The following QTGAL variants were observed in gnomAD, a reference collection of about 807,000 sequenced individuals.
QTGAL encodes queuosine-tRNA galactosyltransferase.
At chr17:83,051,673 G>A in the QTGAL span, 13 of 1,374,530 alleles carry the variant, frequency 9.5e-6, no homozygotes, top group South Asian at 2.0e-4. Context: ...AGGACTGGAG[G>A]GCGGGGTGAG....
At chr17:83,002,056 CTTT>C in the QTGAL span, among the ~76,000 whole-genome samples, 1 of 148,476 alleles carries the variant, frequency 6.7e-6, no homozygotes, top group Admixed American at 6.7e-5. Context: ...GCCACTGCGC[CTTT>C]TTTTTTTTTT....
chr17:82,982,683 G>A, the QTGAL span, among the ~76,000 whole-genome samples: 56 of 152,200 alleles, frequency 3.7e-4, no homozygotes, highest in Middle Eastern at 3.2e-3. Context: ...CCAGTTTATG[G>A]TATTTTTGTC....
At chr17:82,958,233 G>A in the QTGAL span, among the ~76,000 whole-genome samples, 1 of 152,222 alleles carries the variant, frequency 6.6e-6, no homozygotes, top group Admixed American at 6.5e-5. Flanking sequence ...GGATGCAGAG[G>A]CCAACGGGGC....
chr17:83,031,997 C>G, the QTGAL span, among the ~76,000 whole-genome samples: 1 of 152,156 alleles, frequency 6.6e-6, no homozygotes. Context: ...ATCTGCAGAC[C>G]TGCTCCTAAG....
chr17:82,958,846 C>T, the QTGAL span, among the ~76,000 whole-genome samples: 4,610 of 72,426 alleles, frequency 0.064, 218 homozygotes, highest in Middle Eastern at 0.13. Flanking sequence ...TGTGTGTGTA[C>T]ACTGGGGGTG....
the QTGAL span, among the ~76,000 whole-genome samples, chr17:83,007,394 C>T: frequency 6.6e-6 from 1 of 152,174 alleles, no homozygotes; most frequent in South Asian, 2.1e-4. Flanking sequence ...GCATCTGTTT[C>T]CTGGTCTTGT....
the QTGAL span, among the ~76,000 whole-genome samples, chr17:82,959,610 G>A: frequency 9.9e-5 from 15 of 152,038 alleles, no homozygotes; most frequent in East Asian, 1.9e-4. Flanking sequence ...GCGGGGGGAC[G>A]AGCCTGATCC....
At chr17:82,970,558 CG>C in the QTGAL span, among the ~76,000 whole-genome samples, 8,910 of 99,864 alleles carry the variant, frequency 0.089, 839 homozygotes, top group East Asian at 0.16. Context: ...CCGGCGTGGC[CG>C]CGACCTCCGC....
At chr17:82,946,070 A>T in the QTGAL span, 1 of 152,246 alleles carries the variant, frequency 6.6e-6, no homozygotes, top group African/African-American at 2.4e-5. Context: ...TTCAGTTATC[A>T]GCTTGGCTAG....
At chr17:82,961,638 C>T in the QTGAL span, among the ~76,000 whole-genome samples, 9 of 152,258 alleles carry the variant, frequency 5.9e-5, no homozygotes, top group South Asian at 1.0e-3. Context: ...GCTGGGTGGG[C>T]GTGTGGGGCT....
chr17:83,021,933 C>T, the QTGAL span, among the ~76,000 whole-genome samples: 2 of 152,212 alleles, frequency 1.3e-5, no homozygotes, highest in Non-Finnish European at 2.9e-5. Flanking sequence ...TGATTTTCAA[C>T]AAAGGTGCCA....
chr17:83,038,680 A>C, the QTGAL span, among the ~76,000 whole-genome samples: 5 of 152,138 alleles, frequency 3.3e-5, no homozygotes, highest in Admixed American at 6.5e-5. Context: ...AACACGGTGA[A>C]ACCCCATCTC....
At chr17:82,974,090 G>A in the QTGAL span, among the ~76,000 whole-genome samples, 1 of 152,202 alleles carries the variant, frequency 6.6e-6, no homozygotes, top group East Asian at 1.9e-4. Flanking sequence ...CTGCCCCTCG[G>A]AGAGTTCTCC....
At chr17:82,996,129 G>A in the QTGAL span, among the ~76,000 whole-genome samples, 3 of 152,316 alleles carry the variant, frequency 2.0e-5, no homozygotes, top group African/African-American at 7.2e-5. Context: ...CCAGGTTCAC[G>A]GATTCGAAGA....
chr17:82,956,570 C>G, the QTGAL span: 1 of 1,126,520 alleles, frequency 8.9e-7, no homozygotes, highest in African/African-American at 1.6e-5. This position sits in a 1 kb window ranked among gnomAD's most constrained non-coding sequence, Gnocchi z 5.7. Context: ...GGCACCTGTC[C>G]CCATGCCCAC....
At chr17:82,961,854 C>T in the QTGAL span, among the ~76,000 whole-genome samples, 7 of 152,214 alleles carry the variant, frequency 4.6e-5, no homozygotes, top group Non-Finnish European at 1.0e-4. Context: ...CTGCTTTCCC[C>T]GGCCCATGAT....
At chr17:83,007,027 C>T in the QTGAL span, 2 of 382,692 alleles carry the variant, frequency 5.2e-6, no homozygotes, top group Non-Finnish European at 7.2e-6. Context: ...TGGCACCGTG[C>T]TTTAACACAG....
At chr17:83,013,462 C>T in the QTGAL span, among the ~76,000 whole-genome samples, 13 of 134,312 alleles carry the variant, frequency 9.7e-5, no homozygotes, top group South Asian at 2.8e-3. Context: ...CTGGTTCCAA[C>T]ACCCAGGCCC....
At chr17:82,991,865 A>T in the QTGAL span, among the ~76,000 whole-genome samples, 1 of 152,208 alleles carries the variant, frequency 6.6e-6, no homozygotes, top group Non-Finnish European at 1.5e-5. Context: ...CAAAGAGATT[A>T]AAATAATTAA....
Sources: gnomAD v4.1 joint callset for allele counts (sites outside exome capture counted in the v4.1 genomes callset) on GRCh38, gnomAD v4.1.1 for gene constraint, Gnocchi (gnomAD v3.1) non-coding constraint, MANE v1.5 for transcripts, NCBI Gene and HGNC (gene_info 2026-07-23, HGNC 2026-07-21) for gene names.